The following SPATA16 variants were observed in gnomAD, a reference collection of about 807,000 sequenced individuals.
SPATA16 encodes the protein spermatogenesis-associated protein 16.
SPATA16 carries 36 observed loss-of-function variants against 63.3 expected under a neutral mutation model. That is an observed-to-expected ratio of 0.57 (90% confidence interval 0.44 to 0.75). The LOEUF (loss-of-function observed/expected upper bound fraction) is 0.75. Among genes scored for constraint, SPATA16 ranks in the 30% least tolerant of loss-of-function variants. The probability of loss-of-function intolerance (pLI) is 0.00; values close to 1 mark genes in which losing one functional copy is unlikely to be tolerated. For synonymous variants in SPATA16, 203 were observed against 216.7 expected, an observed-to-expected ratio of 0.94 and a Z score of 0.56; for missense variants, 646 against 679.3, an observed-to-expected ratio of 0.95 and a Z score of 0.54.
intron 6 of SPATA16, among the ~76,000 whole-genome samples, chr3:172,949,751 G>C (rs1040979557): frequency 6.6e-6 from 1 of 152,040 alleles, no homozygotes; most frequent in East Asian, 1.9e-4. Context: ...CGAGATAATG[G>C]GGATGGGTAA....
At position 172,961,069 on chromosome 3, in the gene SPATA16, T is replaced by TCTTCCTTTCTTCCTTCCTTC. The variant is rs1560080344; in HGVS notation, c.934-4246_934-4245insGAAGGAAGGAAGAAAGGAAG. 1.5e-3 allele frequency among the ~76,000 whole-genome samples: 112 copies of TCTTCCTTTCTTCCTTCCTTC among 72,384 alleles called. 4 individuals carry two copies. The highest frequency in any genetic ancestry group is 5.5e-3 in the African/African-American group (88 of 15,982). The allele number at this position is 72,384 out of a possible 152,430, so 47.5% of individuals were successfully genotyped here. ...CTTTCTTCTTTCTTTCTTTCTTCTTTCTTCCTTCCTTCCTTCCTTCCTTCC... is the reference window on the plus strand; with the variant it reads ...CTTTCTTCTTTCTTTCTTTCTTCTTTCTTCCTTTCTTCCTTCCTTCCTTCCTTCCTTCCTTCCTTCCTTCC... On this transcript the variant is annotated intron_variant, in intron 5 of 10. Coordinates refer to ENST00000351008, the MANE Select transcript of SPATA16 (RefSeq NM_031955.6).
At chr3:172,991,666 C>T (rs1023436886) in intron 4 of SPATA16, among the ~76,000 whole-genome samples, 23 of 152,038 alleles carry the variant, frequency 1.5e-4, no homozygotes, top group African/African-American at 4.1e-4. Context: ...AACCAGAAAA[C>T]GGGTTAATAA....
chr3:173,096,965 A>G (rs1035696661), intron 2 of SPATA16, among the ~76,000 whole-genome samples: 2 of 152,316 alleles, frequency 1.3e-5, no homozygotes, highest in Non-Finnish European at 2.9e-5. Flanking sequence ...TAGAAAGAAT[A>G]TCATATACAG....
At chr3:173,138,569 G>A (rs1460868773) in intron 1 of SPATA16, among the ~76,000 whole-genome samples, 1 of 152,096 alleles carries the variant, frequency 6.6e-6, no homozygotes, top group Admixed American at 6.6e-5. Context: ...AAAATAAACA[G>A]CAAGACAGAA....
In SPATA16 at chr3:173,051,758, C is replaced by T. The variant is rs1177917147; in HGVS notation, c.613-2664G>A. ...ACATTGTATGTGGTCTTTGCCCCTTCCTATCCTTGTTTCTCTCTGATGTGA... is the reference window on the plus strand; with the variant it reads ...ACATTGTATGTGGTCTTTGCCCCTTTCTATCCTTGTTTCTCTCTGATGTGA... On this transcript the variant is annotated intron_variant, in intron 2 of 10. Transcript: ENST00000351008. 3.3e-5 allele frequency among the ~76,000 whole-genome samples: 5 copies of T among 152,242 alleles called. No homozygotes were observed. The East Asian group carries it at 9.7e-4, about 29-fold the overall frequency.
At chr3:172,904,822 T>C (rs1477510850) in intron 10 of SPATA16, among the ~76,000 whole-genome samples, 1 of 152,216 alleles carries the variant, frequency 6.6e-6, no homozygotes, top group African/African-American at 2.4e-5. Flanking sequence ...GGCTTTGCTC[T>C]GTAAACCATC....
At chr3:172,956,594 A>T in intron 6 of SPATA16, 83 bp downstream of exon 6, 1 of 1,476,840 alleles carries the variant, frequency 6.8e-7, no homozygotes, top group Non-Finnish European at 9.2e-7. Context: ...CAGAAACAAT[A>T]AACTAATAAA....
At chr3:172,924,090 A>C in intron 8 of SPATA16, 118 bp downstream of exon 8, 1 of 808,264 alleles carries the variant, frequency 1.2e-6, no homozygotes, top group Non-Finnish European at 2.0e-6. Flanking sequence ...AATGAGATTT[A>C]CTATGAACGT....
chr3:173,135,501 G>A (rs1013103912), intron 1 of SPATA16, among the ~76,000 whole-genome samples: 6 of 152,046 alleles, frequency 3.9e-5, no homozygotes, highest in Admixed American at 2.6e-4. Flanking sequence ...TCACAACAAC[G>A]TAATAACATA....
intron 5 of SPATA16, among the ~76,000 whole-genome samples, chr3:172,960,145 TA>T (rs1733715321): frequency 6.6e-6 from 1 of 152,132 alleles, no homozygotes; most frequent in Non-Finnish European, 1.5e-5. Flanking sequence ...ATTTTGCGAA[TA>T]AAGGAAGAGA....
chr3:173,085,969 G>T (rs879467261), intron 2 of SPATA16, among the ~76,000 whole-genome samples: 3 of 151,040 alleles, frequency 2.0e-5, no homozygotes, highest in Non-Finnish European at 3.0e-5. Flanking sequence ...TATTGACCTT[G>T]AAATTTTCTT....
chr3:173,008,186 A>C (rs1734986566), intron 4 of SPATA16, among the ~76,000 whole-genome samples: 1 of 152,184 alleles, frequency 6.6e-6, no homozygotes, highest in Non-Finnish European at 1.5e-5. Context: ...TGTGGCCCTC[A>C]GCCTTCCATG....
chr3:173,117,442 T>G lies in SPATA16; in HGVS notation c.290A>C (p.Gln97Pro), dbSNP rs1577183490. 2 of 1,614,186 alleles carry G rather than the reference T, an allele frequency of 1.2e-6. No homozygotes were observed. Among genetic ancestry groups the G allele is most frequent in the Non-Finnish European group, 1.7e-6 (2 of 1,180,008 alleles). The part of the protein sequence containing the change: ...EGEEKPTRKK[Q>P]AKITELDNQL... ...ATTGTCAAGTTCTGTTATCTTTGCCTGTTTCTTTCTAGTTGGCTTTTCTTC... is the reference window on the plus strand; with the variant it reads ...ATTGTCAAGTTCTGTTATCTTTGCCGGTTTCTTTCTAGTTGGCTTTTCTTC... The change falls in exon 2 of 11, where the codon CAG becomes CCG. Residue 97 changes from glutamine to proline, a missense_variant. By Grantham distance (76) the Gln-to-Pro change is moderately conservative. Transcript: ENST00000351008.
chr3:173,062,192 G>C (rs1471912413), intron 2 of SPATA16, among the ~76,000 whole-genome samples: 1 of 151,898 alleles, frequency 6.6e-6, no homozygotes, highest in Non-Finnish European at 1.5e-5. Flanking sequence ...TTAACCTTCA[G>C]AGTTTTTGTT....
At chr3:172,967,950 G>A (rs1160495221) in intron 5 of SPATA16, among the ~76,000 whole-genome samples, 1 of 152,154 alleles carries the variant, frequency 6.6e-6, no homozygotes, top group Non-Finnish European at 1.5e-5. Context: ...TGCACAATAA[G>A]TGTTATGTGC....
At chr3:173,019,694 T>A in intron 3 of SPATA16, 119 bp from the exon 4 acceptor site, 1 of 909,644 alleles carries the variant, frequency 1.1e-6, no homozygotes, top group Non-Finnish European at 1.8e-6. Flanking sequence ...TTAAAGATAC[T>A]AGTGAAAGGA....
chr3:172,967,070 A>G (rs1488826874), intron 5 of SPATA16, among the ~76,000 whole-genome samples: 3 of 152,224 alleles, frequency 2.0e-5, no homozygotes, highest in Non-Finnish European at 2.9e-5. Context: ...GTCTCTATGA[A>G]AATAAAATAA....
At chr3:173,050,123 T>G (rs561432504) in intron 2 of SPATA16, among the ~76,000 whole-genome samples, 1 of 152,306 alleles carries the variant, frequency 6.6e-6, no homozygotes, top group South Asian at 2.1e-4. Flanking sequence ...AATTTTCTTT[T>G]ATAGGTTAAG....
At chr3:172,913,487 C>A (rs1303449584) in intron 10 of SPATA16, among the ~76,000 whole-genome samples, 174 bp downstream of exon 10, 1 of 151,976 alleles carries the variant, frequency 6.6e-6, no homozygotes, top group African/African-American at 2.4e-5. Context: ...TTAAATAAAT[C>A]CATATTTGAT....
Sources: allele counts gnomAD v4.1 joint callset (sites outside exome capture counted in the v4.1 genomes callset), GRCh38; gene constraint gnomAD v4.1.1; transcripts MANE v1.5; gene names NCBI Gene and HGNC (gene_info 2026-07-23, HGNC 2026-07-21).